The following SOX6 variants were observed in gnomAD, a reference collection of about 807,000 sequenced individuals.
SOX6 encodes SRY-box transcription factor 6.
Under a neutral mutation model 97.8 loss-of-function variants are expected in SOX6, and 11 were observed. The observed-to-expected ratio is 0.11, with a 90% CI of 0.07 to 0.19. The LOEUF is 0.19. SOX6 is among the 10% of genes least tolerant of loss of function. The pLI is 1.00. For synonymous variants in SOX6, 360 were observed against 371.4 expected, an observed-to-expected ratio of 0.97 and a Z score of 0.35; for missense variants, 810 against 1,039.5, an observed-to-expected ratio of 0.78 and a Z score of 3.04.
intron 2 of SOX6, among the ~76,000 whole-genome samples, chr11:16,721,887 C>A (rs1027774656): frequency 1.3e-5 from 2 of 151,770 alleles, no homozygotes; most frequent in African/African-American, 4.8e-5. Context: ...TAAGGCTGCA[C>A]ATCTACAACC....
chr11:16,647,757 G>A (rs1849035016), intron 3 of SOX6, among the ~76,000 whole-genome samples: 1 of 152,154 alleles, frequency 6.6e-6, no homozygotes, highest in Non-Finnish European at 1.5e-5. Context: ...TCAAATCACA[G>A]GAGAAGGACT....
At chr11:16,355,545 T>A (rs1271574304) in intron 1 of SOX6, among the ~76,000 whole-genome samples, 2 of 152,068 alleles carry the variant, frequency 1.3e-5, no homozygotes, top group Non-Finnish European at 2.9e-5. Context: ...ACATTAATAA[T>A]TTTAAGTTTT....
chr11:16,424,983 G>GA (rs1859096277), intron 1 of SOX6, among the ~76,000 whole-genome samples: 3 of 151,800 alleles, frequency 2.0e-5, no homozygotes, highest in South Asian at 2.1e-4. Flanking sequence ...GGATAGCAAA[G>GA]AAAAAAAACT....
chr11:16,123,548 A>G (rs190644535), intron 6 of SOX6, among the ~76,000 whole-genome samples: 1 of 152,146 alleles, frequency 6.6e-6, no homozygotes, highest in Non-Finnish European at 1.5e-5. Flanking sequence ...ATCCCAAGTC[A>G]AGTAGTCTTC....
intron 3 of SOX6, among the ~76,000 whole-genome samples, chr11:16,290,316 T>C (rs1854877619): frequency 6.6e-6 from 1 of 152,072 alleles, no homozygotes; most frequent in African/African-American, 2.4e-5. Context: ...ACCTATGAAA[T>C]CATCCATTTT....
intron 4 of SOX6, among the ~76,000 whole-genome samples, chr11:16,517,526 C>T (rs1013205573): frequency 5.3e-5 from 8 of 152,178 alleles, no homozygotes; most frequent in Admixed American, 1.3e-4. Flanking sequence ...ATTATAACCA[C>T]TCAAAATAGT....
intron 2 of SOX6, among the ~76,000 whole-genome samples, chr11:16,721,010 T>C (rs967096495): frequency 1.3e-5 from 2 of 152,136 alleles, no homozygotes; most frequent in Non-Finnish European, 2.9e-5. Flanking sequence ...AAATAGACTG[T>C]AGCACCAATT....
At chr11:16,067,177 CTT>C (rs896830680) in intron 9 of SOX6, among the ~76,000 whole-genome samples, 26 of 152,104 alleles carry the variant, frequency 1.7e-4, no homozygotes, top group African/African-American at 3.1e-4. Context: ...TGAGTTAAGA[CTT>C]TGGGAGACTG....
chr11:15,978,549 A>G (rs1434346011), intron 15 of SOX6, among the ~76,000 whole-genome samples: 2 of 150,740 alleles, frequency 1.3e-5, no homozygotes, highest in African/African-American at 4.9e-5. Context: ...CTTCCTTCCC[A>G]TCTCCCTGCC....
intron 9 of SOX6, among the ~76,000 whole-genome samples, chr11:16,075,911 C>T (rs1848341593): frequency 6.6e-6 from 1 of 152,132 alleles, no homozygotes; most frequent in Non-Finnish European, 1.5e-5. Context: ...GACTTATTCA[C>T]TTCCTGTGAG....
At chr11:16,138,228 A>G (rs953601975) in intron 6 of SOX6, among the ~76,000 whole-genome samples, 2 of 152,212 alleles carry the variant, frequency 1.3e-5, no homozygotes, top group African/African-American at 4.8e-5. Context: ...AGTGCTAGAT[A>G]GTTCCATACT....
At chr11:16,040,882 T>G (rs74424489) in intron 12 of SOX6, among the ~76,000 whole-genome samples, 1 of 152,062 alleles carries the variant, frequency 6.6e-6, no homozygotes, top group African/African-American at 2.4e-5. Context: ...ATTTGGAGCA[T>G]AGAAAGCAGT....
At chr11:16,231,437 GT>G (rs1317338933) in intron 4 of SOX6, among the ~76,000 whole-genome samples, 6 of 151,622 alleles carry the variant, frequency 4.0e-5, no homozygotes, top group Admixed American at 2.6e-4. Flanking sequence ...ACAATGATAT[GT>G]TTTTTCCCCT....
chr11:16,086,635 G>C (rs1008668349), intron 9 of SOX6, among the ~76,000 whole-genome samples: 1 of 152,090 alleles, frequency 6.6e-6, no homozygotes, highest in Non-Finnish European at 1.5e-5. Flanking sequence ...GCTACTCCAG[G>C]AGACTCATCA....
intron 3 of SOX6, among the ~76,000 whole-genome samples, chr11:16,708,910 C>A (rs1848156504): frequency 6.6e-6 from 1 of 152,124 alleles, no homozygotes; most frequent in African/African-American, 2.4e-5. Flanking sequence ...TACTTTCTGG[C>A]AAAACACTTA....
At chr11:16,632,579 A>G (rs754775781) in intron 3 of SOX6, among the ~76,000 whole-genome samples, 34 of 152,330 alleles carry the variant, frequency 2.2e-4, no homozygotes, top group Non-Finnish European at 1.9e-4. Flanking sequence ...CACTATGGGC[A>G]GGGTCAGACT....
chr11:16,067,366 G>A (rs1848116765), intron 9 of SOX6, among the ~76,000 whole-genome samples: 1 of 152,142 alleles, frequency 6.6e-6, no homozygotes, highest in African/African-American at 2.4e-5. Context: ...TGGGGGCTGG[G>A]TTTTTCCCGT....
chr11:16,075,361 T>C lies in SOX6; in HGVS notation c.1102-19460A>G, dbSNP rs1191592637. On this transcript the variant is annotated intron_variant, in intron 9 of 15. Coordinates refer to ENST00000683767, the MANE Select transcript of SOX6 (RefSeq NM_001367873.1). ...GCAGGCAAAAGAGTGTGCGCATGAA[T>C]GTTTATTGTGGCACTGTTCACAATA... Among the ~76,000 whole-genome samples, 3 of 152,190 alleles carry C rather than the reference T, an allele frequency of 2.0e-5. No individual in the cohort carries two copies. The East Asian group carries it at 5.8e-4, about 29-fold the overall frequency.
At chr11:16,466,375 A>C (rs1303262754) in intron 1 of SOX6, among the ~76,000 whole-genome samples, 2 of 152,232 alleles carry the variant, frequency 1.3e-5, no homozygotes, top group Non-Finnish European at 2.9e-5. Flanking sequence ...TCTATCTAAA[A>C]ACCTGAGTAA....
Sources: gnomAD v4.1 joint callset for allele counts (sites outside exome capture counted in the v4.1 genomes callset) on GRCh38, gnomAD v4.1.1 for gene constraint, MANE v1.5 for transcripts, NCBI Gene and HGNC (gene_info 2026-07-23, HGNC 2026-07-21) for gene names.